The following SLC35D4 variants were observed in gnomAD, a reference collection of about 807,000 sequenced individuals.
SLC35D4 encodes the protein UDP-N-acetylglucosamine transporter SLC35D4.
the SLC35D4 span, among the ~76,000 whole-genome samples, chr18:23,335,436 T>C: frequency 5.3e-5 from 8 of 152,172 alleles, no homozygotes; most frequent in African/African-American, 1.9e-4. Flanking sequence ...CGCCCTCTGG[T>C]TGGGGCACCA....
chr18:23,276,770 C>T, the SLC35D4 span, among the ~76,000 whole-genome samples: 1 of 152,186 alleles, frequency 6.6e-6, no homozygotes, highest in African/African-American at 2.4e-5. Context: ...GGGAGGGACC[C>T]GCAGAGCCAG....
At chr18:23,248,550 G>T in the SLC35D4 span, among the ~76,000 whole-genome samples, 1 of 120,952 alleles carries the variant, frequency 8.3e-6, no homozygotes, top group Non-Finnish European at 1.8e-5. Flanking sequence ...AAAAAAGGCT[G>T]GACGTGGTGG....
the SLC35D4 span, among the ~76,000 whole-genome samples, chr18:23,402,813 A>AT: frequency 1.9e-4 from 28 of 150,270 alleles, no homozygotes; most frequent in African/African-American, 4.7e-4. Context: ...TTTTTAAAAA[A>AT]ATATAAAAAT....
the SLC35D4 span, among the ~76,000 whole-genome samples, chr18:23,427,682 G>A: frequency 2.0e-5 from 3 of 152,120 alleles, no homozygotes; most frequent in African/African-American, 7.2e-5. Context: ...TATACCCAAA[G>A]GATTATAAAT....
At chr18:23,346,775 A>G in the SLC35D4 span, among the ~76,000 whole-genome samples, 1 of 152,216 alleles carries the variant, frequency 6.6e-6, no homozygotes, top group Admixed American at 6.5e-5. Context: ...ACCTATTGAA[A>G]TGATCATGTA....
chr18:23,358,654 T>C, the SLC35D4 span, among the ~76,000 whole-genome samples: 1 of 152,140 alleles, frequency 6.6e-6, no homozygotes, highest in Non-Finnish European at 1.5e-5. Flanking sequence ...TCCTTGAGAG[T>C]GGGGATGCTA....
the SLC35D4 span, among the ~76,000 whole-genome samples, chr18:23,281,395 T>C: frequency 6.6e-6 from 1 of 152,130 alleles, no homozygotes; most frequent in Admixed American, 6.6e-5. Flanking sequence ...CAAACAGAGC[T>C]CACTGCAGCC....
the SLC35D4 span, among the ~76,000 whole-genome samples, chr18:23,411,444 A>G: frequency 6.6e-6 from 1 of 150,826 alleles, no homozygotes; most frequent in African/African-American, 2.4e-5. Context: ...CAGACAGAAA[A>G]AGAAGGATAA....
At chr18:23,298,867 T>A in the SLC35D4 span, among the ~76,000 whole-genome samples, 1 of 152,094 alleles carries the variant, frequency 6.6e-6, no homozygotes, top group Non-Finnish European at 1.5e-5. Context: ...CCTTCCTCTC[T>A]CATCTGCCTA....
chr18:23,396,126 T>G, the SLC35D4 span, among the ~76,000 whole-genome samples: 2 of 152,162 alleles, frequency 1.3e-5, no homozygotes, highest in Non-Finnish European at 2.9e-5. Context: ...GAGTCTGAGG[T>G]AGAAAAATCA....
chr18:23,401,687 C>G, the SLC35D4 span, among the ~76,000 whole-genome samples: 2 of 152,162 alleles, frequency 1.3e-5, no homozygotes, highest in African/African-American at 4.8e-5. Flanking sequence ...CGGCAGCTGG[C>G]CTCACTGCGG....
chr18:23,371,935 G>GTTTTTTTTGT, the SLC35D4 span, among the ~76,000 whole-genome samples: 12 of 35,480 alleles, frequency 3.4e-4, 1 homozygote, highest in South Asian at 4.6e-3. Context: ...TGTTTTTTTT[G>GTTTTTTTTGT]TTTTTTTTTT....
the SLC35D4 span, among the ~76,000 whole-genome samples, chr18:23,343,989 C>T: frequency 1.3e-5 from 2 of 151,820 alleles, no homozygotes; most frequent in Non-Finnish European, 2.9e-5. Context: ...ACCTCCACCT[C>T]CCAGGTTCAA....
chr18:23,292,387 G>C, the SLC35D4 span, among the ~76,000 whole-genome samples: 1 of 152,188 alleles, frequency 6.6e-6, no homozygotes, highest in East Asian at 1.9e-4. Flanking sequence ...GCTCCTGGTT[G>C]CTCCAACCCC....
At chr18:23,407,845 T>C in the SLC35D4 span, among the ~76,000 whole-genome samples, 1 of 152,214 alleles carries the variant, frequency 6.6e-6, no homozygotes, top group Non-Finnish European at 1.5e-5. Flanking sequence ...AGCCTCAATA[T>C]GCGTACTTTT....
the SLC35D4 span, among the ~76,000 whole-genome samples, chr18:23,406,278 A>G: frequency 6.6e-6 from 1 of 152,190 alleles, no homozygotes; most frequent in African/African-American, 2.4e-5. Flanking sequence ...GAGAAACTTC[A>G]CACATTTCCC....
the SLC35D4 span, among the ~76,000 whole-genome samples, chr18:23,309,089 G>T: frequency 1.3e-5 from 2 of 152,112 alleles, no homozygotes; most frequent in East Asian, 3.9e-4. Context: ...TTGTTATACT[G>T]TACTGTTTAG....
chr18:23,376,127 T>C, the SLC35D4 span, among the ~76,000 whole-genome samples: 2 of 152,370 alleles, frequency 1.3e-5, no homozygotes, highest in South Asian at 4.1e-4. Flanking sequence ...GTTTTCACTT[T>C]CAGGGAACTT....
chr18:23,346,751 C>G, the SLC35D4 span, among the ~76,000 whole-genome samples: 9 of 152,100 alleles, frequency 5.9e-5, no homozygotes, highest in African/African-American at 2.2e-4. Flanking sequence ...TAGATTTTGT[C>G]ATGATTTTTC....
Sources: allele counts gnomAD v4.1 joint callset (sites outside exome capture counted in the v4.1 genomes callset), GRCh38; gene constraint gnomAD v4.1.1; transcripts MANE v1.5; gene names NCBI Gene and HGNC (gene_info 2026-07-23, HGNC 2026-07-21).